Variants in C11orf65 observed in about 807,000 individuals in gnomAD.
C11orf65 encodes the protein protein MFI.
A neutral mutation model predicts 35.3 loss-of-function variants in C11orf65; 38 were observed. The observed-to-expected ratio is 1.08, with a 90% CI of 0.83 to 1.41. The LOEUF is 1.41. C11orf65 is among the 40% of genes most tolerant of loss of function. C11orf65 has a pLI of 0.00. For synonymous variants in C11orf65, 105 were observed against 114.4 expected (o/e 0.92, Z 0.53); for missense variants, 370 against 367.1 (o/e 1.01, Z -0.06).
intron 2 of C11orf65, among the ~76,000 whole-genome samples, chr11:108,372,227 TCTGTCG>T (rs2091593009): frequency 6.6e-6 from 1 of 152,178 alleles, no homozygotes; most frequent in Non-Finnish European, 1.5e-5. Context: ...GGAGTCCCGC[TCTGTCG>T]CCCAGGCTGG....
intron 2 of C11orf65, among the ~76,000 whole-genome samples, chr11:108,362,422 C>T (rs1330531283): frequency 6.6e-6 from 1 of 151,730 alleles, no homozygotes; most frequent in Admixed American, 6.6e-5. Context: ...TTAGAAATAC[C>T]ATTTGACCCA....
downstream of C11orf65, among the ~76,000 whole-genome samples, chr11:108,328,742 A>G (rs1464978276): frequency 6.6e-6 from 1 of 152,222 alleles, no homozygotes; most frequent in Admixed American, 6.5e-5. Flanking sequence ...AAAATATACT[A>G]ACATTAATGA....
chr11:108,331,596 T>C (rs753851045), intron 3 of C11orf65: 4 of 1,513,186 alleles, frequency 2.6e-6, no homozygotes, highest in Non-Finnish European at 3.6e-6. Flanking sequence ...TAATTATTTT[T>C]ATTCTATTAT....
At chr11:108,327,876 T>C (rs2085842711), downstream of C11orf65, 2 of 862,134 alleles carry the variant, frequency 2.3e-6, no homozygotes. Context: ...TTCTATATAT[T>C]ATTACTGTTG....
intron 2 of C11orf65, among the ~76,000 whole-genome samples, chr11:108,450,027 A>C (rs1373157060): frequency 1.3e-5 from 2 of 152,054 alleles, no homozygotes; most frequent in Non-Finnish European, 2.9e-5. Flanking sequence ...AAAACACATG[A>C]AAAAATGCTC....
intron 2 of C11orf65, among the ~76,000 whole-genome samples, chr11:108,374,824 A>G (rs1252483452): frequency 3.3e-5 from 5 of 152,346 alleles, no homozygotes; most frequent in East Asian, 1.9e-4. Context: ...CAAGGCTCGA[A>G]AACTACGTGA....
chr11:108,321,394 G>A lies in C11orf65; in HGVS notation c.641-12323C>T, dbSNP rs756551824. ...GCAGGTTGCAGGCCATTGGAGAGCT[G>A]GAAAGCATTGGGGAGCTTTTCTCAA... On this transcript the variant is annotated intron_variant, in intron 6 of 6. Coordinates refer to the C11orf65 transcript ENST00000525729. The A allele has an allele frequency of 1.9e-6, 3 of 1,614,172 alleles. No homozygotes were observed. In the South Asian group the frequency reaches 3.3e-5, roughly 18 times the overall value.
chr11:108,309,111 G>A (rs1000007177), intron 6 of C11orf65: 2 of 1,157,832 alleles, frequency 1.7e-6, no homozygotes, highest in Non-Finnish European at 2.5e-6. Flanking sequence ...AACGGGTAAA[G>A]ACATGCATTC....
chr11:108,406,651 A>G, intron 5 of C11orf65, 112 bp downstream of exon 5: 2 of 726,052 alleles, frequency 2.8e-6, no homozygotes, highest in Non-Finnish European at 4.1e-6. Flanking sequence ...AAATTTATCA[A>G]TTAAATTACT....
At position 108,406,748 on chromosome 11, in the gene C11orf65, T is replaced by C; in HGVS notation, c.429+15A>G. 6.6e-7 allele frequency: 1 copy of C among 1,521,908 alleles called. No individual in the cohort carries two copies. Among genetic ancestry groups the C allele is most frequent in the Non-Finnish European group, 8.9e-7 (1 of 1,119,952 alleles). The allele number at this position is 1,521,908 out of a possible 1,614,324, so 94.3% of individuals were successfully genotyped here. On this transcript the variant is annotated intron_variant, in intron 5 of 8. Transcript: ENST00000393084. Reference sequence around the variant, plus strand: ...AAATACGTAAGGTTAAAAATTAACATTTCTCTTTTCTTACTGTATCAGAAA... The same window carrying C: ...AAATACGTAAGGTTAAAAATTAACACTTCTCTTTTCTTACTGTATCAGAAA...
intron 3 of C11orf65, among the ~76,000 whole-genome samples, chr11:108,418,218 G>T (rs2092767880): frequency 6.6e-6 from 1 of 152,004 alleles, no homozygotes; most frequent in South Asian, 2.1e-4. Flanking sequence ...ATTCAGTAAG[G>T]CTATAGAAGA....
chr11:108,370,981 T>G (rs953984292), intron 2 of C11orf65, among the ~76,000 whole-genome samples: 2 of 151,966 alleles, frequency 1.3e-5, no homozygotes, highest in Middle Eastern at 3.2e-3. Flanking sequence ...ATCAGGAAAA[T>G]AGGAAAGATA....
chr11:108,461,397 C>G, intron 2 of C11orf65, 82 bp downstream of exon 2: 1 of 1,096,654 alleles, frequency 9.1e-7, no homozygotes, highest in Non-Finnish European at 1.4e-6. Context: ...GAGATTCTGT[C>G]TTAAAAAAAA....
chr11:108,326,857 G>C (rs944303660), downstream of C11orf65, among the ~76,000 whole-genome samples: 1 of 152,068 alleles, frequency 6.6e-6, no homozygotes. Flanking sequence ...ACGGAGTCTT[G>C]CTCTGTCACC....
At chr11:108,375,202 G>A (rs2091689626) in intron 2 of C11orf65, among the ~76,000 whole-genome samples, 1 of 151,624 alleles carries the variant, frequency 6.6e-6, no homozygotes, top group East Asian at 1.9e-4. Context: ...CACCAAAGTT[G>A]AAATGAAGGA....
chr11:108,451,571 C>T (rs979269557), intron 2 of C11orf65, among the ~76,000 whole-genome samples: 5 of 151,808 alleles, frequency 3.3e-5, no homozygotes, highest in Non-Finnish European at 7.4e-5. Context: ...GTGAAAATGG[C>T]CACACTGCCC....
At chr11:108,329,482 C>G (rs543902366), downstream of C11orf65, among the ~76,000 whole-genome samples, 1 of 151,808 alleles carries the variant, frequency 6.6e-6, no homozygotes, top group Non-Finnish European at 1.5e-5. Context: ...TCACTGTACT[C>G]CAGCTCACTG....
chr11:108,308,904 G>T, exon 7 of C11orf65: 1 of 919,842 alleles, frequency 1.1e-6, no homozygotes, highest in Non-Finnish European at 1.7e-6. Context: ...AAGCTTTAAT[G>T]TAGTGGAGAG....
intron 7 of C11orf65, among the ~76,000 whole-genome samples, chr11:108,391,832 T>C (rs2092169673): frequency 6.6e-6 from 1 of 151,924 alleles, no homozygotes; most frequent in African/African-American, 2.4e-5. Flanking sequence ...GTATTTCCTA[T>C]AAATAAAATA....
Sources: allele counts gnomAD v4.1 joint callset (sites outside exome capture counted in the v4.1 genomes callset), GRCh38; gene constraint gnomAD v4.1.1; transcripts MANE v1.5; gene names NCBI Gene and HGNC (gene_info 2026-07-23, HGNC 2026-07-21).